The following EPYC variants were observed in gnomAD, a reference collection of about 807,000 sequenced individuals.
The protein encoded by EPYC is epiphycan.
In EPYC, 28 loss-of-function variants were observed where a neutral mutation model predicts 30.1. The ratio of observed to expected loss-of-function variants is 0.93; its 90% CI spans 0.69 to 1.28. EPYC has a LOEUF of 1.28. Among genes scored for constraint, EPYC ranks in the 50% most tolerant of loss-of-function variants. The probability of loss-of-function intolerance (pLI) is 0.00; values close to 1 mark genes in which losing one functional copy is unlikely to be tolerated. For missense variants in EPYC, 382 were observed against 383.5 expected, an observed-to-expected ratio of 1.00 and a Z score of 0.03; for synonymous variants, 144 against 141.4, an observed-to-expected ratio of 1.02 and a Z score of -0.13.
chr12:91,002,927 G>T lies in EPYC; in HGVS notation c.-13-349C>A, dbSNP rs189227128. 9.9e-5 allele frequency among the ~76,000 whole-genome samples: 15 copies of T among 152,078 alleles called. No homozygotes were observed. In the East Asian group the frequency reaches 2.7e-3, roughly 28 times the overall value. ...CATTAAGATCCTTCATCAACTCTGGGATATGAAGTTGAAGATGATAAGGAT... is the reference window on the plus strand; with the variant it reads ...CATTAAGATCCTTCATCAACTCTGGTATATGAAGTTGAAGATGATAAGGAT... On this transcript the variant is annotated intron_variant, in intron 1 of 6. Transcript: ENST00000261172.
At chr12:91,003,772 A>G (rs1221490091) in intron 1 of EPYC, among the ~76,000 whole-genome samples, 1 of 152,082 alleles carries the variant, frequency 6.6e-6, no homozygotes, top group Non-Finnish European at 1.5e-5. Context: ...GTTACTACCT[A>G]TGCATACATA....
At chr12:90,976,160 G>A (rs912353943) in intron 3 of EPYC, among the ~76,000 whole-genome samples, 3 of 152,024 alleles carry the variant, frequency 2.0e-5, no homozygotes, top group Non-Finnish European at 4.4e-5. Flanking sequence ...AGAGTAAAAT[G>A]GTGGTTATCA....
At chr12:90,975,415 A>G (rs1212233421) in intron 3 of EPYC, among the ~76,000 whole-genome samples, 1 of 152,042 alleles carries the variant, frequency 6.6e-6, no homozygotes, top group African/African-American at 2.4e-5. Flanking sequence ...TAGTAAAAAT[A>G]TGGTATTTTT....
At position 90,970,096 on chromosome 12, in the gene EPYC, A is replaced by C; in HGVS notation, c.746T>G (p.Leu249Trp). ...TGGGAGTGGCAGAGGGATGTGGTCCAAGTTGTTATCAGTGAGGTACAGATG... is the reference window on the plus strand; with the variant it reads ...TGGGAGTGGCAGAGGGATGTGGTCCCAGTTGTTATCAGTGAGGTACAGATG... The part of the protein sequence containing the change: ...LHHLYLTDNN[L>W]DHIPLPLPEN... The change falls in exon 6 of 7, where the codon TTG becomes TGG. Residue 249 changes from leucine (L) to tryptophan (W), a missense_variant. By Grantham distance (61) the Leu-to-Trp change is moderately conservative (BLOSUM62 -2). Coordinates refer to ENST00000261172, the MANE Select transcript of EPYC (RefSeq NM_004950.5). 6.2e-7 allele frequency: 1 copy of C among 1,614,030 alleles called. No homozygotes were observed. The highest frequency in any genetic ancestry group is 8.5e-7 in the Non-Finnish European group (1 of 1,179,900).
intron 2 of EPYC, among the ~76,000 whole-genome samples, chr12:90,988,759 C>T (rs1168420669): frequency 6.6e-6 from 1 of 152,134 alleles, no homozygotes; most frequent in African/African-American, 2.4e-5. Flanking sequence ...ATCTTGCTGA[C>T]ATGACTATCT....
At chr12:90,970,951 T>A (rs902684436) in intron 5 of EPYC, among the ~76,000 whole-genome samples, 13 of 152,252 alleles carry the variant, frequency 8.5e-5, no homozygotes, top group Non-Finnish European at 4.4e-5. Context: ...AGTTGGTTAC[T>A]GTTCTCAGAC....
At chr12:90,990,685 A>T (rs1437577080) in intron 2 of EPYC, among the ~76,000 whole-genome samples, 1 of 152,134 alleles carries the variant, frequency 6.6e-6, no homozygotes, top group Non-Finnish European at 1.5e-5. Context: ...TAGAACAAGT[A>T]CAAACGATAA....
At chr12:90,974,072 A>ACACACACACC (rs71094701) in intron 3 of EPYC, among the ~76,000 whole-genome samples, 2,338 of 144,090 alleles carry the variant, frequency 0.016, 21 homozygotes, top group Non-Finnish European at 0.024. Context: ...ACACACACAC[A>ACACACACACC]CCCCTACCTC....
intron 2 of EPYC, among the ~76,000 whole-genome samples, chr12:90,995,123 A>G (rs1227213454): frequency 1.3e-5 from 2 of 152,118 alleles, no homozygotes; most frequent in South Asian, 2.1e-4. Context: ...CGTGATCTAC[A>G]TTAATTATCT....
At chr12:90,976,408 ATAAGG>A (rs1402169600) in intron 3 of EPYC, among the ~76,000 whole-genome samples, 1 of 152,154 alleles carries the variant, frequency 6.6e-6, no homozygotes, top group East Asian at 1.9e-4. Flanking sequence ...CAACACCTCT[ATAAGG>A]TAAGTTCTAT....
chr12:90,977,244 A>G (rs1877208629), intron 3 of EPYC, among the ~76,000 whole-genome samples: 1 of 152,128 alleles, frequency 6.6e-6, no homozygotes, highest in Non-Finnish European at 1.5e-5. Context: ...TTCTCTGTGT[A>G]TATAAAAGTA....
intron 6 of EPYC, among the ~76,000 whole-genome samples, chr12:90,965,005 A>G (rs926854328): frequency 6.6e-6 from 1 of 152,110 alleles, no homozygotes; most frequent in Non-Finnish European, 1.5e-5. Flanking sequence ...AACACCCCCA[A>G]AAGAAAACCA....
intron 2 of EPYC, among the ~76,000 whole-genome samples, chr12:90,997,528 A>G (rs1426916833): frequency 5.9e-5 from 9 of 152,104 alleles, no homozygotes; most frequent in African/African-American, 1.4e-4. Flanking sequence ...ACTTAAAACT[A>G]TAACATGACA....
At chr12:90,979,808 A>T (rs541040664) in intron 2 of EPYC, among the ~76,000 whole-genome samples, 13 of 152,244 alleles carry the variant, frequency 8.5e-5, no homozygotes, top group Non-Finnish European at 1.8e-4. Flanking sequence ...TTGAAGTATA[A>T]TTTTTTCCAA....
At chr12:90,990,532 T>C (rs1345787592) in intron 2 of EPYC, among the ~76,000 whole-genome samples, 1 of 152,124 alleles carries the variant, frequency 6.6e-6, no homozygotes, top group East Asian at 1.9e-4. Flanking sequence ...CCTGATTTTA[T>C]CTCCTGGGGC....
chr12:90,971,239 A>G (rs1005600291), intron 5 of EPYC, among the ~76,000 whole-genome samples: 1 of 152,122 alleles, frequency 6.6e-6, no homozygotes, highest in Non-Finnish European at 1.5e-5. Flanking sequence ...GTAGCCACCA[A>G]CTTCTTATTC....
chr12:90,977,203 C>G (rs1877207799), intron 3 of EPYC, among the ~76,000 whole-genome samples: 1 of 152,246 alleles, frequency 6.6e-6, no homozygotes, highest in South Asian at 2.1e-4. Context: ...GGGGAACTCT[C>G]TATTTTTTTC....
At chr12:90,981,140 G>T (rs914910284) in intron 2 of EPYC, among the ~76,000 whole-genome samples, 2 of 152,138 alleles carry the variant, frequency 1.3e-5, no homozygotes, top group African/African-American at 4.8e-5. Flanking sequence ...CAAATGGATA[G>T]CTCACAGTGG....
intron 2 of EPYC, among the ~76,000 whole-genome samples, chr12:90,978,912 T>C (rs886234170): frequency 8.5e-5 from 13 of 152,300 alleles, no homozygotes; most frequent in African/African-American, 2.9e-4. Flanking sequence ...ATTATTAAAA[T>C]AACAAATATT....
Sources: allele counts gnomAD v4.1 joint callset (sites outside exome capture counted in the v4.1 genomes callset), GRCh38; gene constraint gnomAD v4.1.1; transcripts MANE v1.5; gene names NCBI Gene and HGNC (gene_info 2026-07-23, HGNC 2026-07-21).